Variants in COX7B2 observed in about 807,000 individuals in gnomAD.
COX7B2 encodes cytochrome c oxidase subunit 7B2, also known as cytochrome c oxidase subunit 7B2, mitochondrial.
For synonymous variants in COX7B2, 37 were observed against 32.1 expected, an observed-to-expected ratio of 1.15 and a Z score of -0.51; for missense variants, 109 against 95.9, an observed-to-expected ratio of 1.14 and a Z score of -0.57.
chr4:46,803,741 T>G (rs1718799609), intron 2 of COX7B2, among the ~76,000 whole-genome samples: 1 of 151,422 alleles, frequency 6.6e-6, no homozygotes, highest in African/African-American at 2.4e-5. Flanking sequence ...TCTTTTTTTT[T>G]TTTTTTTTTT....
intron 2 of COX7B2, among the ~76,000 whole-genome samples, chr4:46,828,152 A>G (rs1264076686): frequency 6.6e-6 from 1 of 152,214 alleles, no homozygotes; most frequent in African/African-American, 2.4e-5. Flanking sequence ...TTGACATAAT[A>G]CAAAGAAAAC....
At chr4:46,883,776 T>TAAA (rs112798647) in intron 1 of COX7B2, among the ~76,000 whole-genome samples, 2 of 145,086 alleles carry the variant, frequency 1.4e-5, no homozygotes. Flanking sequence ...AATAAACCTT[T>TAAA]AAAAAAAAAA....
Position 46,760,341 on chromosome 4 carries a change from A to G in COX7B2, c.-49-25100T>C, listed in dbSNP as rs559724334. On this transcript the variant is annotated intron_variant, in intron 2 of 2. Transcript: ENST00000355591. The stretch of plus-strand genomic sequence containing the variant: ...ATCAATGATAGACTGGATAAAGAAA[A>G]TGTGGCACATATACACCATGGAATA... 2.0e-5 allele frequency among the ~76,000 whole-genome samples: 3 copies of G among 152,318 alleles called. No homozygotes were observed. The South Asian group carries it at 6.2e-4, about 32-fold the overall frequency.
chr4:46,831,863 G>A (rs1715136743), intron 2 of COX7B2, among the ~76,000 whole-genome samples: 1 of 152,244 alleles, frequency 6.6e-6, no homozygotes, highest in African/African-American at 2.4e-5. Context: ...TTTATGTCCA[G>A]CTAAGGGATT....
intron 2 of COX7B2, among the ~76,000 whole-genome samples, chr4:46,795,471 G>T (rs2109600680): frequency 7.5e-6 from 1 of 133,654 alleles, no homozygotes; most frequent in East Asian, 2.2e-4. Context: ...TTTCCCCATT[G>T]CTTGTTTTTC....
At chr4:46,758,937 C>T (rs1377645712) in intron 2 of COX7B2, among the ~76,000 whole-genome samples, 8 of 152,074 alleles carry the variant, frequency 5.3e-5, no homozygotes, top group Non-Finnish European at 1.0e-4. Context: ...GAAAAATTAA[C>T]TCTCTCAAAT....
At chr4:46,755,845 A>T (rs1015229871) in intron 2 of COX7B2, among the ~76,000 whole-genome samples, 1 of 152,126 alleles carries the variant, frequency 6.6e-6, no homozygotes, top group African/African-American at 2.4e-5. Context: ...TCCCATGCTC[A>T]TGGACTGGAA....
At chr4:46,811,431 AC>A (rs1719280525) in intron 2 of COX7B2, among the ~76,000 whole-genome samples, 1 of 151,796 alleles carries the variant, frequency 6.6e-6, no homozygotes. Context: ...TTAAACCTCA[AC>A]CATATATATT....
intron 1 of COX7B2, among the ~76,000 whole-genome samples, chr4:46,860,205 C>T (rs890895373): frequency 4.6e-5 from 7 of 152,214 alleles, no homozygotes; most frequent in Admixed American, 6.5e-5. Context: ...ATGATACAGT[C>T]GAGAGAGACA....
intron 1 of COX7B2, among the ~76,000 whole-genome samples, chr4:46,896,151 C>T: frequency 6.6e-6 from 1 of 152,104 alleles, no homozygotes; most frequent in Non-Finnish European, 1.5e-5. Context: ...TTACTTACTG[C>T]GTATACCTGA....
chr4:46,842,555 C>T (rs985510424), intron 2 of COX7B2, among the ~76,000 whole-genome samples: 6 of 152,000 alleles, frequency 3.9e-5, no homozygotes, highest in African/African-American at 1.2e-4. Flanking sequence ...TCCCCACTCC[C>T]CCCACCCCAC....
intron 2 of COX7B2, among the ~76,000 whole-genome samples, chr4:46,763,461 A>AT (rs1452687747): frequency 6.6e-6 from 1 of 151,412 alleles, no homozygotes; most frequent in Non-Finnish European, 1.5e-5. Flanking sequence ...TCTTTGAAAC[A>AT]TTTTCCAGAG....
intron 2 of COX7B2, among the ~76,000 whole-genome samples, chr4:46,819,524 C>T (rs1714118273): frequency 1.4e-5 from 2 of 141,562 alleles, no homozygotes; most frequent in African/African-American, 2.6e-5. Flanking sequence ...CTAAAACTAA[C>T]GATAGCTGAT....
rs373368484 is a variant in COX7B2 at position 46,829,205 on chromosome 4, C to T, written c.-50+15755G>A. Among the ~76,000 whole-genome samples the T allele has an allele frequency of 5.9e-5, 9 of 152,132 alleles. No homozygotes were observed. The South Asian group carries it at 1.9e-3, about 32-fold the overall frequency. On this transcript the variant is annotated intron_variant, in intron 2 of 2. Transcript: ENST00000355591. ...TGTATGTGATACTGCCCATACTCAT[C>T]TTGTTTTAAATTGAAAAATATGTAA...
chr4:46,816,497 T>C (rs1175428818), intron 2 of COX7B2, among the ~76,000 whole-genome samples: 1 of 152,204 alleles, frequency 6.6e-6, no homozygotes, highest in Non-Finnish European at 1.5e-5. Context: ...CTATTCTGTA[T>C]TATAGTTATT....
At chr4:46,861,298 T>C (rs996542973) in intron 1 of COX7B2, among the ~76,000 whole-genome samples, 1 of 152,236 alleles carries the variant, frequency 6.6e-6, no homozygotes, top group Non-Finnish European at 1.5e-5. Context: ...TGTTGTACCC[T>C]GTACCTATGC....
intron 2 of COX7B2, among the ~76,000 whole-genome samples, chr4:46,741,755 A>G (rs576277498): frequency 6.6e-6 from 1 of 152,226 alleles, no homozygotes; most frequent in Admixed American, 6.5e-5. Context: ...GTTTTTCCAA[A>G]CCTATCTGAT....
At chr4:46,817,255 C>CCCTT (rs1192587466) in intron 2 of COX7B2, among the ~76,000 whole-genome samples, 19 of 152,296 alleles carry the variant, frequency 1.2e-4, no homozygotes, top group African/African-American at 4.1e-4. Flanking sequence ...TGCCAAGAGT[C>CCCTT]AGGCCCTCTG....
At chr4:46,755,979 AC>A (rs1286538010) in intron 2 of COX7B2, among the ~76,000 whole-genome samples, 1 of 152,084 alleles carries the variant, frequency 6.6e-6, no homozygotes, top group Non-Finnish European at 1.5e-5. Context: ...TTTATATGGA[AC>A]CAAAAAATGG....
Sources: gnomAD v4.1 joint callset for allele counts (sites outside exome capture counted in the v4.1 genomes callset) on GRCh38, gnomAD v4.1.1 for gene constraint, MANE v1.5 for transcripts, NCBI Gene and HGNC (gene_info 2026-07-23, HGNC 2026-07-21) for gene names.